Variants in MAP3K3 observed in about 807,000 individuals in gnomAD.
MAP3K3 encodes MAP/ERK kinase kinase 3.
In MAP3K3, 12 loss-of-function variants were observed where a neutral mutation model predicts 80.9. The ratio of observed to expected loss-of-function variants is 0.15; its 90% CI spans 0.10 to 0.24. The LOEUF (loss-of-function observed/expected upper bound fraction) is 0.24. MAP3K3 is among the 10% of genes least tolerant of loss of function. The probability of loss-of-function intolerance (pLI) is 1.00; values close to 1 mark genes in which losing one functional copy is unlikely to be tolerated. For missense variants in MAP3K3, 596 were observed against 834.7 expected, an observed-to-expected ratio of 0.71 and a Z score of 3.52; for synonymous variants, 272 against 307.1, an observed-to-expected ratio of 0.89 and a Z score of 1.19.
intron 1 of MAP3K3, among the ~76,000 whole-genome samples, chr17:63,622,993 CCTT>C (rs1362253149): frequency 6.7e-6 from 1 of 149,576 alleles, no homozygotes; most frequent in Non-Finnish European, 1.5e-5. Flanking sequence ...CGGCAGCCCT[CCTT>C]CTGGGCGGCG....
chr17:63,644,243 C>G (rs1034468457), intron 2 of MAP3K3, among the ~76,000 whole-genome samples: 2 of 152,136 alleles, frequency 1.3e-5, no homozygotes, highest in Non-Finnish European at 2.9e-5. Flanking sequence ...GAGACAGGGT[C>G]TCACTCTGTC....
intron 5 of MAP3K3, among the ~76,000 whole-genome samples, chr17:63,661,870 G>A (rs1403925905): frequency 1.3e-5 from 2 of 152,154 alleles, no homozygotes; most frequent in Non-Finnish European, 2.9e-5. Flanking sequence ...TTGGGAGGCC[G>A]AGGCAGGCGG....
At chr17:63,668,350 C>A (rs2035039288) in intron 6 of MAP3K3, 1 of 152,190 alleles carries the variant, frequency 6.6e-6, no homozygotes. Flanking sequence ...TATTGCCAGG[C>A]TGAAAGTCTG....
intron 6 of MAP3K3, among the ~76,000 whole-genome samples, chr17:63,678,166 C>A (rs2035257657): frequency 6.6e-6 from 1 of 152,030 alleles, no homozygotes; most frequent in Non-Finnish European, 1.5e-5. Context: ...GCTTGGGTTT[C>A]CCTCTGCGCA....
intron 11 of MAP3K3, 183 bp from the exon 12 acceptor site, chr17:63,690,081 T>C: frequency 1.5e-6 from 1 of 661,510 alleles, no homozygotes; most frequent in South Asian, 1.9e-5. Flanking sequence ...CTTAGGACTC[T>C]GACTTCAGGT....
In MAP3K3 at chr17:63,692,547, G is replaced by A. The variant is rs570227516; in HGVS notation, c.1652+128G>A. The A allele has an allele frequency of 1.0e-6, 1 of 971,008 alleles. No individual in the cohort carries two copies. The highest frequency in any genetic ancestry group is 1.5e-6 in the Non-Finnish European group (1 of 671,846). 60.1% of individuals were successfully genotyped at this position (971,008 alleles called of 1,614,324 possible). A position where few individuals can be genotyped will look rare whatever the true frequency, so the allele number is the denominator to read the frequency against. On this transcript the variant is annotated intron_variant, in intron 15 of 15. Coordinates refer to ENST00000361733, the MANE Select transcript of MAP3K3 (RefSeq NM_002401.5). The surrounding 1 kb of genome is among the most constrained non-coding windows in gnomAD (Gnocchi z 4.5). ...GCCCAGGGCCCAGGCTGCAGTGTGTGCAAGGGTATTATTGGGTGCAGTAGC... is the reference window on the plus strand; with the variant it reads ...GCCCAGGGCCCAGGCTGCAGTGTGTACAAGGGTATTATTGGGTGCAGTAGC...
In MAP3K3 at chr17:63,691,241, C is replaced by T. The variant is rs754775264; in HGVS notation, c.1344+8C>T. ...ATGGAGTACATGCCAGGGGTACGTG[C>T]CCCTTGAATGCATGTGAGACACACA... On this transcript the variant is annotated splice_region_variant and intron_variant, in intron 13 of 15. Transcript: ENST00000361733. This position sits in a 1 kb window ranked among gnomAD's most constrained non-coding sequence, Gnocchi z 4.8. 3.1e-6 allele frequency: 5 copies of T among 1,613,860 alleles called. No individual in the cohort carries two copies. The highest frequency in any genetic ancestry group is 4.2e-6 in the Non-Finnish European group (5 of 1,180,020).
At chr17:63,626,382 C>T (rs933564386) in intron 1 of MAP3K3, among the ~76,000 whole-genome samples, 4 of 152,128 alleles carry the variant, frequency 2.6e-5, no homozygotes, top group African/African-American at 9.7e-5. Flanking sequence ...TCAATTCTGT[C>T]GTTTTGGTAT....
Position 63,695,914 on chromosome 17 carries a change from ATTG to A in MAP3K3, c.*2140_*2142del. The A allele has an allele frequency of 6.6e-6, 1 of 152,542 alleles. No individual in the cohort carries two copies. The highest frequency in any genetic ancestry group is 1.9e-4 in the East Asian group (1 of 5,204). The allele number at this position is 152,542 out of a possible 1,614,324, so 9.4% of individuals were successfully genotyped here. ...TCAGGACCAAGTTGTTGCTTAATTT[ATTG>A]TTTTTTAATAACTAATCCAGATAAA... On this transcript the variant is annotated 3_prime_UTR_variant, in exon 16 of 16. Transcript: ENST00000361733. This position sits in a 1 kb window ranked among gnomAD's most constrained non-coding sequence, Gnocchi z 4.1.
At chr17:63,664,879 C>A (rs1036171740) in intron 5 of MAP3K3, among the ~76,000 whole-genome samples, 1 of 152,124 alleles carries the variant, frequency 6.6e-6, no homozygotes, top group African/African-American at 2.4e-5. Context: ...CTTGAAGCAA[C>A]CTCATTTTTA....
chr17:63,678,699 T>C (rs1039934184), intron 6 of MAP3K3, among the ~76,000 whole-genome samples: 5 of 152,196 alleles, frequency 3.3e-5, no homozygotes, highest in Non-Finnish European at 5.9e-5. Flanking sequence ...ACATGAACCA[T>C]ATGTTCTGAA....
rs995059016 is a variant in MAP3K3, at chr17:63,689,490, C to A, written c.872-54C>A. On this transcript the variant is annotated intron_variant, in intron 10 of 15. Coordinates refer to ENST00000361733, the MANE Select transcript of MAP3K3 (RefSeq NM_002401.5). The surrounding 1 kb of genome is among the most constrained non-coding windows in gnomAD (Gnocchi z 4.3). Reference sequence around the variant, plus strand: ...TGTCTCAGACCTGGTTTGTACGTTCCGCCTCGTAGCCTGGGGTGTGACTTG... The same window carrying A: ...TGTCTCAGACCTGGTTTGTACGTTCAGCCTCGTAGCCTGGGGTGTGACTTG... 6.6e-7 allele frequency: 1 copy of A among 1,516,784 alleles called. No individual in the cohort carries two copies. The highest frequency in any genetic ancestry group is 2.4e-5 in the East Asian group (1 of 42,304). The allele number at this position is 1,516,784 out of a possible 1,614,324, so 94.0% of individuals were successfully genotyped here.
At position 63,656,779 on chromosome 17, in the gene MAP3K3, G is replaced by A. The variant is rs964736247; in HGVS notation, c.268-1015G>A. The stretch of plus-strand genomic sequence containing the variant: ...CTTCTATTTAATATTTCACTGGAAC[G>A]TATGAGTGTATTAGTCTGTTCTCAC... On this transcript the variant is annotated intron_variant, in intron 4 of 15. Coordinates refer to ENST00000361733, the MANE Select transcript of MAP3K3 (RefSeq NM_002401.5). 2.9e-4 allele frequency among the ~76,000 whole-genome samples: 44 copies of A among 152,086 alleles called. 1 individual carries two copies. The highest frequency in any genetic ancestry group is 9.2e-4 in the African/African-American group (38 of 41,396).
intron 3 of MAP3K3, among the ~76,000 whole-genome samples, chr17:63,651,338 C>T (rs904611407): frequency 3.9e-5 from 6 of 151,960 alleles, no homozygotes; most frequent in Admixed American, 6.6e-5. Context: ...AAAAATTAGT[C>T]GGTGCATGCC....
At position 63,657,754 on chromosome 17, in the gene MAP3K3, T is replaced by G. The variant is rs530249887; in HGVS notation, c.268-40T>G. 8.2e-6 allele frequency: 7 copies of G among 856,774 alleles called. 1 individual carries two copies. In the African/African-American group the frequency reaches 1.2e-4, roughly 15 times the overall value. The allele number at this position is 856,774 out of a possible 1,614,324, so 53.1% of individuals were successfully genotyped here. On this transcript the variant is annotated intron_variant, in intron 4 of 15. Transcript: ENST00000361733. The stretch of plus-strand genomic sequence containing the variant: ...AAAGTGAAACATTGAGATAAACTTC[T>G]GTTTTATATTATTTTCCTTTTCTAT...
intron 6 of MAP3K3, among the ~76,000 whole-genome samples, chr17:63,675,430 G>T (rs750786564): frequency 2.0e-5 from 3 of 152,198 alleles, no homozygotes; most frequent in Non-Finnish European, 4.4e-5. Context: ...CTTCCTGACT[G>T]CATCAGCTTC....
chr17:63,651,302 A>T (rs142871106), intron 3 of MAP3K3, among the ~76,000 whole-genome samples: 1 of 152,074 alleles, frequency 6.6e-6, no homozygotes, highest in African/African-American at 2.4e-5. Context: ...TGGGCAACTT[A>T]TTGAGGCCCA....
chr17:63,629,997 T>G (rs2143155718), intron 1 of MAP3K3, among the ~76,000 whole-genome samples: 1 of 152,322 alleles, frequency 6.6e-6, no homozygotes, highest in Non-Finnish European at 1.5e-5. Flanking sequence ...GTATGTGTAT[T>G]CACATCCATC....
At chr17:63,681,982 G>A in intron 7 of MAP3K3, 83 bp downstream of exon 7, 2 of 1,212,138 alleles carry the variant, frequency 1.6e-6, no homozygotes, top group Middle Eastern at 2.1e-4. Flanking sequence ...TAGTCACAGT[G>A]CAGAACTGAG....
Sources: allele counts gnomAD v4.1 joint callset (sites outside exome capture counted in the v4.1 genomes callset), GRCh38; gene constraint gnomAD v4.1.1; non-coding constraint Gnocchi (gnomAD v3.1); transcripts MANE v1.5; gene names NCBI Gene and HGNC (gene_info 2026-07-23, HGNC 2026-07-21).